Variants in SEMA3A observed in about 807,000 individuals in gnomAD.
SEMA3A encodes the protein semaphorin 3A, also known as semaphorin-3A.
In SEMA3A, 29 loss-of-function variants were observed where a neutral mutation model predicts 97.9. That is an observed-to-expected ratio of 0.30 (90% CI 0.22 to 0.40). The LOEUF (loss-of-function observed/expected upper bound fraction) is 0.40, where lower values mean the gene tolerates loss of function less well. SEMA3A is among the 10% of genes least tolerant of loss of function. SEMA3A has a pLI of 1.00. For synonymous variants in SEMA3A, 321 were observed against 323.7 expected, an observed-to-expected ratio of 0.99 and a Z score of 0.09; for missense variants, 763 against 951.3, an observed-to-expected ratio of 0.80 and a Z score of 2.60.
intron 3 of SEMA3A, among the ~76,000 whole-genome samples, chr7:84,265,471 T>A (rs1248517444): frequency 6.8e-6 from 1 of 147,458 alleles, no homozygotes; most frequent in Non-Finnish European, 1.5e-5. Context: ...ACAAGATGAA[T>A]ATATCTTATA....
chr7:84,332,163 T>C lies in SEMA3A; in HGVS notation c.-168-24871A>G, dbSNP rs145368632. Among the ~76,000 whole-genome samples the C allele has an allele frequency of 2.5e-3, 378 of 152,246 alleles. 5 individuals carry two copies. In the East Asian group the frequency reaches 0.033, roughly 13 times the overall value. ...AGGATCTGGAGACTACATAGGTCAT[T>C]GAATCATGTGATATGTTAATATCAA... On this transcript the variant is annotated intron_variant, in intron 2 of 3. Transcript: ENST00000424555.
At chr7:84,137,304 G>A (rs1796162948) in intron 1 of SEMA3A, among the ~76,000 whole-genome samples, 1 of 150,402 alleles carries the variant, frequency 6.6e-6, no homozygotes, top group Non-Finnish European at 1.5e-5. Flanking sequence ...GGGAGGCTGA[G>A]GCAAGAGAAT....
intron 1 of SEMA3A, among the ~76,000 whole-genome samples, chr7:84,409,204 C>A (rs956867603): frequency 2.0e-5 from 3 of 151,318 alleles, no homozygotes; most frequent in Admixed American, 6.6e-5. Flanking sequence ...ATGTTCCCAA[C>A]AAAAACAAAT....
At chr7:84,435,844 C>T (rs1805113372) in intron 1 of SEMA3A, among the ~76,000 whole-genome samples, 1 of 151,944 alleles carries the variant, frequency 6.6e-6, no homozygotes, top group African/African-American at 2.4e-5. Flanking sequence ...CACATGGAAT[C>T]AAAAAAGAGC....
intron 1 of SEMA3A, among the ~76,000 whole-genome samples, chr7:84,389,317 G>C (rs540845437): frequency 1.1e-4 from 17 of 152,154 alleles, no homozygotes; most frequent in African/African-American, 3.6e-4. Context: ...TCAACGTGAT[G>C]TGATCTCTGA....
chr7:84,121,379 G>A (rs1795610271), intron 3 of SEMA3A, among the ~76,000 whole-genome samples: 1 of 139,128 alleles, frequency 7.2e-6, no homozygotes, highest in Non-Finnish European at 1.5e-5. Flanking sequence ...CCCCACGACA[G>A]GCCCCAGTGT....
At chr7:84,086,604 A>ATATAATATATTATTATATTATATTTAT (rs1382445049) in intron 4 of SEMA3A, among the ~76,000 whole-genome samples, 11 of 141,472 alleles carry the variant, frequency 7.8e-5, no homozygotes, top group African/African-American at 1.8e-4. Flanking sequence ...TTATATTTAT[A>ATATAATATATTATTATATTATATTTAT]ATCCTCACAA....
Position 84,194,516 on chromosome 7 carries a change from T to A in SEMA3A, c.71A>T (p.Asn24Ile), listed in dbSNP as rs764394618. The A allele has an allele frequency of 6.2e-7, 1 of 1,613,082 alleles. No individual in the cohort carries two copies. The highest frequency in any genetic ancestry group is 8.5e-7 in the Non-Finnish European group (1 of 1,179,128). Residue 24 changes from asparagine (N) to isoleucine (I), a missense_variant, in exon 1 of 17, where the codon AAT becomes ATT. Physicochemically the swap from Asn to Ile is moderately radical, Grantham distance 149 (BLOSUM62 -3). This residue lies in a region of SEMA3A where 85 missense variants were observed against 70.0 expected (regional missense o/e 1.21). Coordinates refer to ENST00000265362, the MANE Select transcript of SEMA3A (RefSeq NM_006080.3). The stretch of plus-strand genomic sequence containing the variant: ...CAGCCTTGGCACATTGTTCTTCCCA[T>A]TCTGATAGTTTGCTCTTGCTGTAAG... ...VLLTARANYQ[N>I]GKNNVPRLKL...
At chr7:84,091,167 G>GGAAGGAAGGAAAGAAAGAAA (rs1554324917) in intron 4 of SEMA3A, among the ~76,000 whole-genome samples, 1 of 42,834 alleles carries the variant, frequency 2.3e-5, no homozygotes, top group African/African-American at 7.8e-5. Flanking sequence ...AAGGAAGGAA[G>GGAAGGAAGGAAAGAAAGAAA]GAAAGAAAGA....
intron 4 of SEMA3A, among the ~76,000 whole-genome samples, chr7:84,065,447 C>G (rs976882193): frequency 2.0e-5 from 3 of 150,992 alleles, no homozygotes; most frequent in African/African-American, 7.4e-5. Flanking sequence ...AGTAGAGACA[C>G]AAAAAACCCT....
At chr7:84,339,174 A>G (rs531611819) in intron 2 of SEMA3A, among the ~76,000 whole-genome samples, 2 of 152,202 alleles carry the variant, frequency 1.3e-5, no homozygotes, top group East Asian at 3.9e-4. Flanking sequence ...AACTGAATCA[A>G]TGTAATTGCC....
At chr7:84,279,938 C>T (rs1800396066) in intron 3 of SEMA3A, among the ~76,000 whole-genome samples, 1 of 152,124 alleles carries the variant, frequency 6.6e-6, no homozygotes, top group African/African-American at 2.4e-5. Context: ...CACTCTGTTG[C>T]TCAGGCTAGA....
At chr7:84,117,946 T>G (rs1368650920) in intron 3 of SEMA3A, among the ~76,000 whole-genome samples, 1 of 152,236 alleles carries the variant, frequency 6.6e-6, no homozygotes, top group Non-Finnish European at 1.5e-5. Context: ...AGGTAACTGG[T>G]TATCCAATTC....
Position 84,103,911 on chromosome 7 carries a change from T to C in SEMA3A, c.453+6559A>G, listed in dbSNP as rs190370115. On this transcript the variant is annotated intron_variant, in intron 4 of 16. Coordinates refer to ENST00000265362, the MANE Select transcript of SEMA3A (RefSeq NM_006080.3). ...TATAACAAATTAATGGAGGCTTTTA[T>C]GAATAGAAATTTCCTCTTAAAGTAG... is the stretch of plus-strand genomic sequence containing the variant. Among the ~76,000 whole-genome samples the C allele has an allele frequency of 5.9e-5, 9 of 152,064 alleles. No homozygotes were observed. In the South Asian group the frequency reaches 1.7e-3, roughly 28 times the overall value.
intron 1 of SEMA3A, among the ~76,000 whole-genome samples, chr7:84,167,674 A>G (rs1460059015): frequency 2.0e-5 from 3 of 152,198 alleles, no homozygotes; most frequent in African/African-American, 7.2e-5. Context: ...AAGGGAAATG[A>G]TAATTATCTG....
In SEMA3A at chr7:84,227,133, T is replaced by G. The variant is rs367707462; in HGVS notation, c.-82-32465A>C. Among the ~76,000 whole-genome samples the G allele has an allele frequency of 4.0e-5, 6 of 151,898 alleles. No homozygotes were observed. The East Asian group carries it at 1.2e-3, about 29-fold the overall frequency. ...TCTCTATTGGCGATATCTATTTATA[T>G]CTATATAGATATCTATATATCTATC... On this transcript the variant is annotated intron_variant, in intron 3 of 3. Coordinates refer to the SEMA3A transcript ENST00000424555.
At chr7:84,210,274 T>A (rs751930597) in intron 3 of SEMA3A, among the ~76,000 whole-genome samples, 1 of 152,098 alleles carries the variant, frequency 6.6e-6, no homozygotes, top group Non-Finnish European at 1.5e-5. Context: ...TGGTAATTGC[T>A]CAGATAACAC....
intron 1 of SEMA3A, among the ~76,000 whole-genome samples, chr7:84,171,508 A>G (rs1263301141): frequency 6.6e-6 from 1 of 152,156 alleles, no homozygotes; most frequent in Non-Finnish European, 1.5e-5. Context: ...ACCTTCAAAT[A>G]AACAAAAATC....
At chr7:84,311,200 C>T (rs991633021) in intron 2 of SEMA3A, among the ~76,000 whole-genome samples, 2 of 151,930 alleles carry the variant, frequency 1.3e-5, no homozygotes, top group African/African-American at 4.8e-5. Flanking sequence ...ATTAGACATA[C>T]AACCAAAATA....
Sources: gnomAD v4.1 joint callset for allele counts (sites outside exome capture counted in the v4.1 genomes callset) on GRCh38, gnomAD v4.1.1 for gene constraint, gnomAD v4.1.1 regional missense constraint, MANE v1.5 for transcripts, NCBI Gene and HGNC (gene_info 2026-07-23, HGNC 2026-07-21) for gene names.